Variants in COL5A1 observed in about 807,000 individuals in gnomAD.
The protein encoded by COL5A1 is collagen alpha-1(V) chain.
A neutral mutation model predicts 263.7 loss-of-function variants in COL5A1; 16 were observed. That is an observed-to-expected ratio of 0.06 (90% CI 0.04 to 0.09). The LOEUF (loss-of-function observed/expected upper bound fraction) is 0.09, where lower values mean the gene tolerates loss of function less well. COL5A1 is among the 10% of genes least tolerant of loss of function. The probability of loss-of-function intolerance (pLI) is 1.00; values close to 1 mark genes in which losing one functional copy is unlikely to be tolerated. For synonymous variants in COL5A1, 1,012 were observed against 1,004.5 expected (o/e 1.01, Z -0.14); for missense variants, 2,036 against 2,540.5 (o/e 0.80, Z 4.27).
intron 13 of COL5A1, among the ~76,000 whole-genome samples, chr9:134,751,343 A>C (rs915779082): frequency 6.6e-6 from 1 of 152,064 alleles, no homozygotes; most frequent in African/African-American, 2.4e-5. Flanking sequence ...GGGCCCCTCC[A>C]CCTCTGACCC....
intron 4 of COL5A1, among the ~76,000 whole-genome samples, chr9:134,709,413 T>C (rs1036913083): frequency 6.6e-6 from 1 of 152,184 alleles, no homozygotes; most frequent in Non-Finnish European, 1.5e-5. Context: ...CAGTGTGCAG[T>C]GTGGCATTGG....
rs538394973 is a variant in COL5A1, at chr9:134,722,149, G to A, written c.655-5117G>A. 1.2e-4 allele frequency among the ~76,000 whole-genome samples: 19 copies of A among 152,326 alleles called. No individual in the cohort carries two copies. In the South Asian group the frequency reaches 3.3e-3, roughly 27 times the overall value. On this transcript the variant is annotated intron_variant, in intron 4 of 65. Coordinates refer to ENST00000371817, the MANE Select transcript of COL5A1 (RefSeq NM_000093.5). ...GATTTGGTGGGGAAATGATTCGAAC[G>A]AAGCACGTGCATTTGCAGAGGAGGG... is the stretch of plus-strand genomic sequence containing the variant.
rs571932580 is a variant in COL5A1, at chr9:134,730,395, G to A, written c.1084G>A (p.Glu362Lys). 8 of 1,614,218 alleles carry A rather than the reference G, an allele frequency of 5.0e-6. No homozygotes were observed. The Admixed American group carries it at 1.0e-4, about 20-fold the overall frequency. ...YDDLTYGEGE[E>K]NPDQPTDPGA... The stretch of plus-strand genomic sequence containing the variant: ...TGACCTCACCTATGGCGAGGGGGAG[G>A]AGAACCCCGACCAGCCCACAGACCC... The change falls in exon 7 of 66, where the codon GAG (glutamate) becomes AAG (lysine). Residue 362 changes from glutamate (E) to lysine (K), a missense_variant. By Grantham distance (56) the Glu-to-Lys change is moderately conservative. Coordinates refer to ENST00000371817, the MANE Select transcript of COL5A1 (RefSeq NM_000093.5).
chr9:134,736,009 G>A (rs933784414), intron 9 of COL5A1, among the ~76,000 whole-genome samples: 1 of 150,924 alleles, frequency 6.6e-6, no homozygotes, highest in Non-Finnish European at 1.5e-5. Flanking sequence ...CCCCCCAGCC[G>A]GGAGTCCCCT....
Position 134,758,159 on chromosome 9 carries a change from G to A in COL5A1, c.1882-84G>A. 1 of 1,409,652 alleles carries A rather than the reference G, an allele frequency of 7.1e-7. No homozygotes were observed. Among genetic ancestry groups the A allele is most frequent in the South Asian group, 1.2e-5 (1 of 86,868 alleles). The allele number at this position is 1,409,652 out of a possible 1,614,324, so 87.3% of individuals were successfully genotyped here. A position where few individuals can be genotyped will look rare whatever the true frequency, so the allele number is the denominator to read the frequency against. On this transcript the variant is annotated intron_variant, in intron 17 of 65. Transcript: ENST00000371817. The surrounding 1 kb of genome is among the most constrained non-coding windows in gnomAD (Gnocchi z 4.1). ...TGTGTGAAACGTGGTCCAAGGCGGG[G>A]CGGCCATCACTTGGTGGACACCAAG...
At chr9:134,812,545 T>A (rs570101053) in intron 47 of COL5A1, 43 bp downstream of exon 47, 17 of 1,612,364 alleles carry the variant, frequency 1.1e-5, no homozygotes, top group Non-Finnish European at 1.4e-5. Context: ...TACTAGCGGC[T>A]CATGTTTTGG....
At chr9:134,787,400 C>T (rs1369386650) in intron 31 of COL5A1, among the ~76,000 whole-genome samples, 1 of 152,146 alleles carries the variant, frequency 6.6e-6, no homozygotes, top group Non-Finnish European at 1.5e-5. Flanking sequence ...TGAACTCAGT[C>T]CCCTGTGAGA....
At chr9:134,783,688 C>T (rs1837346223) in intron 29 of COL5A1, among the ~76,000 whole-genome samples, 1 of 152,192 alleles carries the variant, frequency 6.6e-6, no homozygotes, top group Non-Finnish European at 1.5e-5. Flanking sequence ...AAGCCCCACA[C>T]ACTTGGCACT....
At chr9:134,671,328 G>A (rs1832533966) in intron 1 of COL5A1, among the ~76,000 whole-genome samples, 2 of 152,204 alleles carry the variant, frequency 1.3e-5, no homozygotes, top group South Asian at 2.1e-4. Flanking sequence ...GCACCAATGT[G>A]TGGTGCATCC....
At chr9:134,785,738 G>A (rs150522885) in intron 30 of COL5A1, among the ~76,000 whole-genome samples, 1 of 152,314 alleles carries the variant, frequency 6.6e-6, no homozygotes, top group East Asian at 1.9e-4. Context: ...GCTCCACAGT[G>A]GCAAGACCTC....
chr9:134,703,305 C>T (rs1443335102), intron 4 of COL5A1, among the ~76,000 whole-genome samples: 10 of 152,352 alleles, frequency 6.6e-5, no homozygotes, highest in Non-Finnish European at 1.0e-4. Flanking sequence ...GAACTGCGGG[C>T]ACAGGAGCCG....
chr9:134,650,433 C>G (rs1041020370), intron 1 of COL5A1, among the ~76,000 whole-genome samples: 1 of 152,196 alleles, frequency 6.6e-6, no homozygotes, highest in African/African-American at 2.4e-5. Context: ...AGCAGGTTTG[C>G]TTGGCAGCAT....
chr9:134,672,573 A>T (rs12003552), intron 1 of COL5A1, among the ~76,000 whole-genome samples: 35,645 of 152,150 alleles, frequency 0.23, 5,268 homozygotes, highest in African/African-American at 0.42. Context: ...ATTCATGTAA[A>T]ATCCACATAC....
intron 42 of COL5A1, 75 bp downstream of exon 42, chr9:134,806,371 C>T (rs1838297933): frequency 2.8e-6 from 3 of 1,078,254 alleles, no homozygotes; most frequent in Non-Finnish European, 4.1e-6. Context: ...CCTTGTCCCT[C>T]CCCCTGTGAT....
rs373455273 is a variant in COL5A1, at chr9:134,801,944, C to G, written c.2953-10C>G. 1 of 1,613,214 alleles carries G rather than the reference C, an allele frequency of 6.2e-7. No homozygotes were observed. Among genetic ancestry groups the G allele is most frequent in the African/African-American group, 1.3e-5 (1 of 74,956 alleles). ...GCAGCACCGTCAGTGCAGTGACTCT[C>G]TCTTCACAGGGTTTCCAAGGCAAGA... On this transcript the variant is annotated splice_polypyrimidine_tract_variant and intron_variant, in intron 37 of 65. Transcript: ENST00000371817.
Position 134,806,206 on chromosome 9 carries a change from A to G in COL5A1, c.3276A>G (p.Arg1092=), listed in dbSNP as rs1554803828. The change falls in exon 42 of 66, where the codon AGA becomes AGG. Residue 1092 remains arginine, a synonymous_variant. Coordinates refer to ENST00000371817, the MANE Select transcript of COL5A1 (RefSeq NM_000093.5). ...CACCTCAGGGATCTCCAGGGGAGAGAGGTCCAGCTGGAGCCGCTGGGCCCA... is the reference window on the plus strand; with the variant it reads ...CACCTCAGGGATCTCCAGGGGAGAGGGGTCCAGCTGGAGCCGCTGGGCCCA... ...PPGPAGSPGE[R]GPAGAAGPIG... The G allele has an allele frequency of 1.6e-5, 25 of 1,550,484 alleles. No homozygotes were observed. Among genetic ancestry groups the G allele is most frequent in the Non-Finnish European group, 2.1e-5 (24 of 1,146,708 alleles).
chr9:134,816,307 A>G (rs1838742286), intron 52 of COL5A1, among the ~76,000 whole-genome samples: 1 of 152,174 alleles, frequency 6.6e-6, no homozygotes, highest in African/African-American at 2.4e-5. Flanking sequence ...AGCTCTGCCT[A>G]GCAGGGCCAG....
In COL5A1 at chr9:134,696,156, C is replaced by G. The variant is rs1010019960; in HGVS notation, c.278-3753C>G. ...TTTCTGCCACCCTGCCCCACTGCCC[C>G]CTGCATTATTTGCAATTATTATTAT... On this transcript the variant is annotated intron_variant, in intron 2 of 65. Coordinates refer to ENST00000371817, the MANE Select transcript of COL5A1 (RefSeq NM_000093.5). The surrounding 1 kb of genome is among the most constrained non-coding windows in gnomAD (Gnocchi z 4.3). 6.6e-6 allele frequency among the ~76,000 whole-genome samples: 1 copy of G among 152,044 alleles called. No homozygotes were observed. The highest frequency in any genetic ancestry group is 1.5e-5 in the Non-Finnish European group (1 of 68,010).
intron 1 of COL5A1, among the ~76,000 whole-genome samples, chr9:134,689,176 G>C (rs955705723): frequency 6.6e-6 from 1 of 152,190 alleles, no homozygotes; most frequent in Non-Finnish European, 1.5e-5. Flanking sequence ...ACCTCCTCCC[G>C]TGGCAGTGCC....
Sources: allele counts gnomAD v4.1 joint callset (sites outside exome capture counted in the v4.1 genomes callset), GRCh38; gene constraint gnomAD v4.1.1; non-coding constraint Gnocchi (gnomAD v3.1); transcripts MANE v1.5; gene names NCBI Gene and HGNC (gene_info 2026-07-23, HGNC 2026-07-21).